ARHGAP6: variants seen among roughly 807,000 people sequenced by gnomAD.
ARHGAP6 encodes the protein rho GTPase-activating protein 6.
A neutral mutation model predicts 55.7 loss-of-function variants in ARHGAP6; 16 were observed. The ratio of observed to expected loss-of-function variants is 0.29; its 90% CI spans 0.19 to 0.44. ARHGAP6 has a LOEUF of 0.44. Ranked by LOEUF, ARHGAP6 falls within the 20% of genes least tolerant of loss-of-function variation. The probability of loss-of-function intolerance (pLI) is 1.00; values close to 1 mark genes in which losing one functional copy is unlikely to be tolerated. For missense variants in ARHGAP6, 698 were observed against 808.9 expected (o/e 0.86, Z 1.66); for synonymous variants, 382 against 360.9 (o/e 1.06, Z -0.66).
chrX:11,456,902 T>C (rs767560771), intron 1 of ARHGAP6, among the ~76,000 whole-genome samples: 71 of 112,076 alleles, frequency 6.3e-4, no homozygotes, highest in South Asian at 1.9e-3. Flanking sequence ...TCATAGGTTT[T>C]GCCCCTAATA....
intron 1 of ARHGAP6, among the ~76,000 whole-genome samples, chrX:11,427,001 G>A (rs752997980): frequency 1.4e-3 from 159 of 109,988 alleles, no homozygotes; most frequent in African/African-American, 5.1e-3. Flanking sequence ...TTGTATTAGC[G>A]TGCAACATTA....
intron 1 of ARHGAP6, among the ~76,000 whole-genome samples, chrX:11,479,050 C>G (rs1279488902): frequency 8.9e-6 from 1 of 112,262 alleles, no homozygotes; most frequent in Non-Finnish European, 1.9e-5. Flanking sequence ...CTGGCCATGA[C>G]AGATGTTTTA....
chrX:11,580,661 C>T (rs1035082980), intron 1 of ARHGAP6, among the ~76,000 whole-genome samples: 4 of 111,947 alleles, frequency 3.6e-5, no homozygotes, highest in African/African-American at 9.7e-5. Flanking sequence ...TACAAGTATT[C>T]GAGAAAAAAA....
At chrX:11,620,457 G>A in intron 1 of ARHGAP6, among the ~76,000 whole-genome samples, 1 of 112,494 alleles carries the variant, frequency 8.9e-6, no homozygotes, top group Non-Finnish European at 1.9e-5. Context: ...CTCAGGACCA[G>A]TAATAGTGAG....
intron 12 of ARHGAP6, among the ~76,000 whole-genome samples, chrX:11,140,509 A>G (rs1043478361): frequency 1.8e-5 from 2 of 110,112 alleles, no homozygotes; most frequent in Non-Finnish European, 3.8e-5. Context: ...CCAGCCCAGC[A>G]TGAAGACTCT....
rs1375570871 is a variant in ARHGAP6 at position 11,508,651 on chromosome X, G to A, written c.588+155590C>T. ...TGCCTTTGGACCCACCCAAGGACTG[G>A]AGTCCTTCTGCAATATGCTCACCTC... On this transcript the variant is annotated intron_variant, in intron 1 of 12. Transcript: ENST00000337414. 2.7e-5 allele frequency among the ~76,000 whole-genome samples: 3 copies of A among 109,636 alleles called. No homozygotes were observed. The Admixed American group carries it at 3.0e-4, about 11-fold the overall frequency.
rs767911032 is a variant in ARHGAP6 at position 11,264,401 on chromosome X, C to T, written c.589-9694G>A. ...TAACACCATCTAAAAAATCAAATGT[C>T]ACTTACATCTTGTTTCCAGTGGAAA... On this transcript the variant is annotated intron_variant, in intron 1 of 12. Transcript: ENST00000337414. Among the ~76,000 whole-genome samples the T allele has an allele frequency of 4.6e-4, 51 of 111,892 alleles. No individual in the cohort carries two copies. The Middle Eastern group carries it at 0.018, about 40-fold the overall frequency.
chrX:11,185,389 T>C (rs775617027), intron 5 of ARHGAP6, among the ~76,000 whole-genome samples: 1 of 112,250 alleles, frequency 8.9e-6, no homozygotes, highest in South Asian at 3.7e-4. Context: ...ATATCCTTAA[T>C]GATTTTAAAA....
intron 2 of ARHGAP6, among the ~76,000 whole-genome samples, chrX:11,217,309 G>T (rs1325500143): frequency 8.9e-6 from 1 of 111,897 alleles, no homozygotes; most frequent in Middle Eastern, 4.2e-3. Context: ...CACAATGGTT[G>T]AACTAATTTA....
At chrX:11,165,226 T>C (rs1238909804) in intron 9 of ARHGAP6, among the ~76,000 whole-genome samples, 1 of 111,780 alleles carries the variant, frequency 8.9e-6, no homozygotes, top group Non-Finnish European at 1.9e-5. Flanking sequence ...TGCCATATAC[T>C]TTCTAGGTGG....
chrX:11,600,742 C>T (rs1234111697), intron 1 of ARHGAP6, among the ~76,000 whole-genome samples: 1 of 111,979 alleles, frequency 8.9e-6, no homozygotes, highest in Admixed American at 9.5e-5. Context: ...GCCCAGTGGG[C>T]AAGCATATGA....
chrX:11,655,457 A>G (rs1412404404), intron 1 of ARHGAP6, among the ~76,000 whole-genome samples: 1 of 111,846 alleles, frequency 8.9e-6, no homozygotes. Context: ...GAATTGCCAA[A>G]CTGTTTCCCA....
chrX:11,206,320 G>A (rs144449823), intron 2 of ARHGAP6, among the ~76,000 whole-genome samples: 246 of 112,456 alleles, frequency 2.2e-3, no homozygotes, highest in Middle Eastern at 0.014. Context: ...GCATATTGAT[G>A]TGAAATTTAT....
chrX:11,541,504 G>A (rs946350345), intron 1 of ARHGAP6, among the ~76,000 whole-genome samples: 7 of 111,917 alleles, frequency 6.3e-5, no homozygotes, highest in African/African-American at 2.3e-4. Context: ...AGCTCTCCCA[G>A]GGGAGGGGCA....
intron 1 of ARHGAP6, among the ~76,000 whole-genome samples, chrX:11,564,485 TC>T (rs2051421564): frequency 9.0e-6 from 1 of 110,959 alleles, no homozygotes; most frequent in East Asian, 2.8e-4. Context: ...TTAATAGAGT[TC>T]TGGTTTTATA....
intron 1 of ARHGAP6, among the ~76,000 whole-genome samples, chrX:11,629,437 G>T (rs1230708977): frequency 2.7e-5 from 3 of 110,600 alleles, no homozygotes; most frequent in Non-Finnish European, 5.7e-5. Flanking sequence ...AACAAATATT[G>T]ATATTTATAA....
chrX:11,217,973 T>G (rs757730825), intron 2 of ARHGAP6, among the ~76,000 whole-genome samples: 2 of 111,882 alleles, frequency 1.8e-5, no homozygotes, highest in African/African-American at 6.5e-5. Flanking sequence ...ATGGGGAATC[T>G]TTTCCCCGTT....
rs969068868 is a variant in ARHGAP6, at chrX:11,300,726, G to C, written c.589-46019C>G. 6 of 723,585 alleles carry C rather than the reference G, an allele frequency of 8.3e-6. No individual in the cohort carries two copies. In the African/African-American group the frequency reaches 1.1e-4, roughly 13 times the overall value. The allele number at this position is 723,585 out of a possible 1,213,427, so 59.6% of individuals were successfully genotyped here. On this transcript the variant is annotated intron_variant, in intron 1 of 12. Transcript: ENST00000337414. ...CTTAGCAAATTCTGTAACTAAAAAAGTACCATTAGCAGACAATAAAATGCA... is the reference window on the plus strand; with the variant it reads ...CTTAGCAAATTCTGTAACTAAAAAACTACCATTAGCAGACAATAAAATGCA...
chrX:11,263,411 G>A (rs1019733743), intron 1 of ARHGAP6, among the ~76,000 whole-genome samples: 3 of 111,244 alleles, frequency 2.7e-5, no homozygotes, highest in South Asian at 3.8e-4. Flanking sequence ...TATAAATTAC[G>A]CAGTCTCAGG....
Sources: gnomAD v4.1 joint callset for allele counts (sites outside exome capture counted in the v4.1 genomes callset) on GRCh38, gnomAD v4.1.1 for gene constraint, MANE v1.5 for transcripts, NCBI Gene and HGNC (gene_info 2026-07-23, HGNC 2026-07-21) for gene names.